Variants in SPATS1 observed in about 807,000 individuals in gnomAD.
SPATS1 encodes spermatogenesis associated serine rich 1.
In SPATS1, 23 loss-of-function variants were observed where a neutral mutation model predicts 33.6. That is an observed-to-expected ratio of 0.68 (90% confidence interval 0.49 to 0.97). SPATS1 has a LOEUF of 0.97. SPATS1 is among the 50% of genes least tolerant of loss of function. SPATS1 has a pLI of 0.00. For synonymous variants in SPATS1, 131 were observed against 125.6 expected, an observed-to-expected ratio of 1.04 and a Z score of -0.29; for missense variants, 327 against 361.0, an observed-to-expected ratio of 0.91 and a Z score of 0.76.
intron 2 of SPATS1, among the ~76,000 whole-genome samples, chr6:44,347,090 T>G (rs1480592998): frequency 1.3e-5 from 2 of 152,188 alleles, no homozygotes; most frequent in Non-Finnish European, 2.9e-5. Flanking sequence ...TAGATGAAGC[T>G]GGAAACCCTC....
chr6:44,344,659 C>T (rs1787769137), intron 2 of SPATS1, among the ~76,000 whole-genome samples: 1 of 151,372 alleles, frequency 6.6e-6, no homozygotes, highest in Admixed American at 6.6e-5. Context: ...AGATGACAAA[C>T]ATATGAAAGT....
At chr6:44,349,202 G>A (rs1431589871) in intron 2 of SPATS1, among the ~76,000 whole-genome samples, 1 of 151,078 alleles carries the variant, frequency 6.6e-6, no homozygotes, top group Non-Finnish European at 1.5e-5. Context: ...GGGAGGCTGA[G>A]GCAGGAGAAT....
In SPATS1 at chr6:44,369,957, C is replaced by A. The variant is rs777865973; in HGVS notation, c.696-94C>A. The A allele has an allele frequency of 4.3e-5, 32 of 752,266 alleles. No individual in the cohort carries two copies. The African/African-American group carries it at 4.3e-4, about 10-fold the overall frequency. 46.6% of individuals were successfully genotyped at this position (752,266 alleles called of 1,614,324 possible). A position where few individuals can be genotyped will look rare whatever the true frequency, so the allele number is the denominator to read the frequency against. On this transcript the variant is annotated intron_variant, in intron 6 of 8. Coordinates refer to ENST00000674044, the MANE Select transcript of SPATS1 (RefSeq NM_001372081.1). Reference sequence around the variant, plus strand: ...GAAGTCAATACTTGAAAATTAAAATCGGAAAACAGGACATTCTATTGAATA... The same window carrying A: ...GAAGTCAATACTTGAAAATTAAAATAGGAAAACAGGACATTCTATTGAATA...
chr6:44,377,018 C>T lies in SPATS1; in HGVS notation c.875-17C>T. ...TGTAATGGAAGAAAACCTGTAACTC[C>T]ATGCCTCTATCCACAGGTGCTTTGG... On this transcript the variant is annotated splice_polypyrimidine_tract_variant and intron_variant, in intron 8 of 8. Coordinates refer to ENST00000674044, the MANE Select transcript of SPATS1 (RefSeq NM_001372081.1). 6.2e-7 allele frequency: 1 copy of T among 1,614,148 alleles called. No homozygotes were observed. Among genetic ancestry groups the T allele is most frequent in the Non-Finnish European group, 8.5e-7 (1 of 1,179,992 alleles).
At position 44,377,195 on chromosome 6, in the gene SPATS1, A is replaced by C. The variant is rs1790015429; in HGVS notation, c.*132A>C. The C allele has an allele frequency of 2.6e-6, 3 of 1,140,406 alleles. No individual in the cohort carries two copies. 70.6% of individuals were successfully genotyped at this position (1,140,406 alleles called of 1,614,324 possible). ...AGGAAGTGTTGTGCTTTGCTTTTTT[A>C]AAACTTTATATTTTGAAAACTTTCA... On this transcript the variant is annotated 3_prime_UTR_variant, in exon 9 of 9. Coordinates refer to ENST00000674044, the MANE Select transcript of SPATS1 (RefSeq NM_001372081.1).
chr6:44,366,673 T>G (rs1338557415), intron 5 of SPATS1, among the ~76,000 whole-genome samples: 1 of 152,180 alleles, frequency 6.6e-6, no homozygotes, highest in Non-Finnish European at 1.5e-5. Flanking sequence ...TGTCTCCCTA[T>G]CTAGATAAGA....
At chr6:44,369,387 TA>T (rs1789459071) in intron 6 of SPATS1, among the ~76,000 whole-genome samples, 5 of 151,720 alleles carry the variant, frequency 3.3e-5, no homozygotes, top group Admixed American at 3.3e-4. Flanking sequence ...CCGTGTCTAC[TA>T]AAAATACAAA....
chr6:44,362,931 C>A (rs189666814), intron 5 of SPATS1, among the ~76,000 whole-genome samples: 2,669 of 151,564 alleles, frequency 0.018, 34 homozygotes, highest in Middle Eastern at 0.031. Context: ...CTCCGCCTCC[C>A]GGGTTCAAGC....
intron 2 of SPATS1, among the ~76,000 whole-genome samples, chr6:44,349,804 A>G (rs1353427542): frequency 6.6e-6 from 1 of 152,218 alleles, no homozygotes; most frequent in Non-Finnish European, 1.5e-5. Context: ...TTCTTCTTGT[A>G]TGTGAATTAT....
chr6:44,344,169 A>G (rs1481516971), intron 2 of SPATS1, among the ~76,000 whole-genome samples: 1 of 152,156 alleles, frequency 6.6e-6, no homozygotes, highest in African/African-American at 2.4e-5. Flanking sequence ...GTTTGGGGTA[A>G]AGGAAGAAGC....
intron 6 of SPATS1, 80 bp from the exon 7 acceptor site, chr6:44,369,971 T>C (rs969244146): frequency 1.1e-6 from 1 of 904,758 alleles, no homozygotes; most frequent in Non-Finnish European, 1.7e-6. Context: ...AAACAGGACA[T>C]TCTATTGAAT....
rs1788319352 is a variant in SPATS1, at chr6:44,352,788, A to C, written c.202A>C (p.Lys68Gln). 6.2e-7 allele frequency: 1 copy of C among 1,614,044 alleles called. No homozygotes were observed. ...GCFANTTPSG[K>Q]SVSSSSSVET... is the part of the protein sequence containing the mutation. Reference sequence around the variant, plus strand: ...TTTTGCCAACACAACACCCTCTGGCAAAAGTGTCAGTTCCTCATCTTCTGT... The same window carrying C: ...TTTTGCCAACACAACACCCTCTGGCCAAAGTGTCAGTTCCTCATCTTCTGT... Residue 68 changes from lysine (K) to glutamine (Q), a missense_variant, in exon 3 of 9, where the codon AAA (lysine) becomes CAA (glutamine). By Grantham distance (53) the Lys-to-Gln change is moderately conservative. Transcript: ENST00000674044.
intron 3 of SPATS1, among the ~76,000 whole-genome samples, chr6:44,359,709 A>G (rs139483005): frequency 1.3e-5 from 2 of 152,076 alleles, no homozygotes; most frequent in East Asian, 3.9e-4. Flanking sequence ...AGCTGGGATT[A>G]CAGGCATGCA....
Position 44,352,801 on chromosome 6 carries a change from C to T in SPATS1, c.215C>T (p.Ser72Phe). 6.2e-7 allele frequency: 1 copy of T among 1,614,128 alleles called. No homozygotes were observed. Among genetic ancestry groups the T allele is most frequent in the Non-Finnish European group, 8.5e-7 (1 of 1,180,002 alleles). Residue 72 changes from serine to phenylalanine, a missense_variant, in exon 3 of 9, where the codon TCC (serine) becomes TTC (phenylalanine). Transcript: ENST00000674044. ...ACACCCTCTGGCAAAAGTGTCAGTT[C>T]CTCATCTTCTGTGGAAACAGGCCCA... ...NTTPSGKSVSSSSSVETGPSV... is the reference protein window; with the variant it reads ...NTTPSGKSVSFSSSVETGPSV...
chr6:44,343,374 A>T, intron 2 of SPATS1, 140 bp downstream of exon 2: 1 of 939,820 alleles, frequency 1.1e-6, no homozygotes, highest in Non-Finnish European at 1.7e-6. Flanking sequence ...AGCTGCTTGA[A>T]TAGTAGCTTA....
chr6:44,348,198 G>A (rs915976742), intron 2 of SPATS1, among the ~76,000 whole-genome samples: 3 of 151,850 alleles, frequency 2.0e-5, no homozygotes, highest in African/African-American at 4.8e-5. Flanking sequence ...TGGTAGAGAC[G>A]GAGTTTCACC....
chr6:44,362,104 C>A, intron 5 of SPATS1, 112 bp downstream of exon 5: 1 of 1,329,728 alleles, frequency 7.5e-7, no homozygotes, highest in Non-Finnish European at 1.1e-6. Context: ...TCACCATGTT[C>A]CCCTAGTGCA....
In SPATS1 at chr6:44,361,509, G is replaced by A. The variant is rs80300260; in HGVS notation, c.413-322G>A. The A allele has an allele frequency of 4.0e-3, 3,905 of 985,362 alleles. 100 individuals are homozygous for A. In the African/African-American group the frequency reaches 0.056, roughly 14 times the overall value. The allele number at this position is 985,362 out of a possible 1,614,324, so 61.0% of individuals were successfully genotyped here. On this transcript the variant is annotated intron_variant, in intron 4 of 8. Transcript: ENST00000674044. ...TTATCAGAGTGAAGATTGTATCACA[G>A]GTACTTGTAAGACTGTCTCTGAGCT...
At chr6:44,348,380 T>C (rs1351217061) in intron 2 of SPATS1, among the ~76,000 whole-genome samples, 1 of 152,218 alleles carries the variant, frequency 6.6e-6, no homozygotes, top group South Asian at 2.1e-4. Context: ...ATAGTTCTGA[T>C]AATCTTTATT....
Sources: allele counts gnomAD v4.1 joint callset (sites outside exome capture counted in the v4.1 genomes callset), GRCh38; gene constraint gnomAD v4.1.1; transcripts MANE v1.5; gene names NCBI Gene and HGNC (gene_info 2026-07-23, HGNC 2026-07-21).